L3MBTL4: variants seen among roughly 807,000 people sequenced by gnomAD.
L3MBTL4 encodes lethal(3)malignant brain tumor-like protein 4.
L3MBTL4 carries 70 observed loss-of-function variants against 84.5 expected under a neutral mutation model. That is an observed-to-expected ratio of 0.83 (90% CI 0.68 to 1.01). L3MBTL4 has a LOEUF of 1.01. Ranked by LOEUF, L3MBTL4 falls within the 50% of genes least tolerant of loss-of-function variation. The pLI, the probability that L3MBTL4 is intolerant of heterozygous loss-of-function variation, is 0.00. For synonymous variants in L3MBTL4, 274 were observed against 259.8 expected, an observed-to-expected ratio of 1.05 and a Z score of -0.52; for missense variants, 715 against 754.8, an observed-to-expected ratio of 0.95 and a Z score of 0.62.
chr18:5,974,916 A>C (rs1300481436), intron 16 of L3MBTL4, among the ~76,000 whole-genome samples: 1 of 151,170 alleles, frequency 6.6e-6, no homozygotes, highest in African/African-American at 2.4e-5. Context: ...ATGAGTTATG[A>C]TCGCACCACT....
At chr18:6,160,350 G>A (rs1260837728) in intron 13 of L3MBTL4, among the ~76,000 whole-genome samples, 1 of 152,208 alleles carries the variant, frequency 6.6e-6, no homozygotes, top group Non-Finnish European at 1.5e-5. Flanking sequence ...TTGCAAGTCA[G>A]CAGTGTTACA....
chr18:6,129,275 A>C (rs2059797788), intron 14 of L3MBTL4, among the ~76,000 whole-genome samples: 1 of 152,084 alleles, frequency 6.6e-6, no homozygotes, highest in South Asian at 2.1e-4. Context: ...TTTATCAGCT[A>C]TACGTGTACC....
At chr18:6,360,162 G>A (rs1043159919) in intron 1 of L3MBTL4, among the ~76,000 whole-genome samples, 1 of 152,134 alleles carries the variant, frequency 6.6e-6, no homozygotes, top group African/African-American at 2.4e-5. Flanking sequence ...TTGAGGTCAG[G>A]AGTTCAAGAC....
At chr18:6,408,749 T>A (rs1181842457) in intron 1 of L3MBTL4, among the ~76,000 whole-genome samples, 1 of 151,754 alleles carries the variant, frequency 6.6e-6, no homozygotes, top group Non-Finnish European at 1.5e-5. Flanking sequence ...TTGTGCAATC[T>A]CGGCTCACTG....
At chr18:6,242,032 C>A (rs2047472557) in intron 7 of L3MBTL4, among the ~76,000 whole-genome samples, 1 of 152,210 alleles carries the variant, frequency 6.6e-6, no homozygotes, top group Non-Finnish European at 1.5e-5. Flanking sequence ...TCCTCCCATT[C>A]GCATGCCCTG....
At chr18:6,127,298 T>C (rs2059725213) in intron 14 of L3MBTL4, among the ~76,000 whole-genome samples, 1 of 152,168 alleles carries the variant, frequency 6.6e-6, no homozygotes, top group Non-Finnish European at 1.5e-5. Flanking sequence ...ATTATGAATT[T>C]TTTTAGCTCG....
intron 11 of L3MBTL4, among the ~76,000 whole-genome samples, chr18:6,213,965 T>C (rs958485041): frequency 6.6e-6 from 1 of 152,202 alleles, no homozygotes; most frequent in Non-Finnish European, 1.5e-5. Context: ...ACTATTCTCA[T>C]TGCCCAGTTT....
chr18:6,138,110 C>T (rs1220733972), intron 14 of L3MBTL4, 84 bp downstream of exon 14: 2 of 859,826 alleles, frequency 2.3e-6, no homozygotes, highest in Non-Finnish European at 3.7e-6. Context: ...CTCCATGAGA[C>T]TCATTTATGA....
chr18:6,411,746 T>C (rs1246697228), intron 1 of L3MBTL4, among the ~76,000 whole-genome samples: 1 of 152,172 alleles, frequency 6.6e-6, no homozygotes, highest in Non-Finnish European at 1.5e-5. Context: ...ACCCCCATAG[T>C]CGCTGAGTAT....
chr18:6,038,303 G>A (rs2056235354), intron 16 of L3MBTL4, among the ~76,000 whole-genome samples: 1 of 138,922 alleles, frequency 7.2e-6, no homozygotes, highest in South Asian at 2.3e-4. Flanking sequence ...GCCCAAGCTG[G>A]AGTGCAGTGA....
intron 10 of L3MBTL4, among the ~76,000 whole-genome samples, chr18:6,236,439 C>T (rs1356905864): frequency 4.6e-5 from 7 of 152,146 alleles, no homozygotes; most frequent in African/African-American, 7.2e-5. Context: ...AAATGTGCTG[C>T]GCAGAATTTT....
intron 4 of L3MBTL4, among the ~76,000 whole-genome samples, chr18:6,299,905 C>T (rs2050260619): frequency 6.6e-6 from 1 of 152,104 alleles, no homozygotes; most frequent in Non-Finnish European, 1.5e-5. Context: ...CTCCCAAGCT[C>T]AAGAGATCCA....
chr18:6,275,828 T>C (rs1277006824), intron 4 of L3MBTL4, among the ~76,000 whole-genome samples: 1 of 152,132 alleles, frequency 6.6e-6, no homozygotes, highest in African/African-American at 2.4e-5. Flanking sequence ...CCAACACTTA[T>C]TAAGTACTGT....
rs551095330 is a variant in L3MBTL4 at position 6,414,580 on chromosome 18, G to C, written c.-91+221C>G. On this transcript the variant is annotated intron_variant, in intron 1 of 18. Transcript: ENST00000317931. The surrounding 1 kb of genome is among the most constrained non-coding windows in gnomAD (Gnocchi z 5.4). ...CAAGTGAGGCAGCGCCTCTCGCGGGGAGCCCGGCGCGCGCCCCGGCGGCGA... is the reference window on the plus strand; with the variant it reads ...CAAGTGAGGCAGCGCCTCTCGCGGGCAGCCCGGCGCGCGCCCCGGCGGCGA... 1 of 152,182 alleles carries C rather than the reference G, an allele frequency of 6.6e-6. No individual in the cohort carries two copies. The highest frequency in any genetic ancestry group is 2.1e-4 in the South Asian group (1 of 4,830). 9.4% of individuals were successfully genotyped at this position (152,182 alleles called of 1,614,324 possible). A position where few individuals can be genotyped will look rare whatever the true frequency, so the allele number is the denominator to read the frequency against.
intron 4 of L3MBTL4, among the ~76,000 whole-genome samples, chr18:6,267,620 G>A (rs570109666): frequency 4.6e-5 from 7 of 152,178 alleles, no homozygotes; most frequent in East Asian, 1.9e-4. Context: ...TTCTACAACA[G>A]CTGTGTTCTT....
chr18:6,173,887 A>G (rs902632642), intron 12 of L3MBTL4, among the ~76,000 whole-genome samples: 2 of 152,170 alleles, frequency 1.3e-5, no homozygotes, highest in African/African-American at 2.4e-5. Flanking sequence ...AGCAGAGAGT[A>G]GCTGATACGG....
rs574051092 is a variant in L3MBTL4 at position 6,001,090 on chromosome 18, T to C, written c.1445-31528A>G. 3.8e-4 allele frequency among the ~76,000 whole-genome samples: 58 copies of C among 152,334 alleles called. No individual in the cohort carries two copies. The South Asian group carries it at 4.8e-3, about 13-fold the overall frequency. ...CAGGCAGCTGTGCCAACAATCTGGGTGCAACTTGCATGTGGCTTTCAAGAA... is the reference window on the plus strand; with the variant it reads ...CAGGCAGCTGTGCCAACAATCTGGGCGCAACTTGCATGTGGCTTTCAAGAA... On this transcript the variant is annotated intron_variant, in intron 16 of 18. Coordinates refer to ENST00000317931, the MANE Select transcript of L3MBTL4 (RefSeq NM_001330559.2).
intron 16 of L3MBTL4, among the ~76,000 whole-genome samples, chr18:6,065,711 C>T (rs2057377266): frequency 6.6e-6 from 1 of 151,788 alleles, no homozygotes; most frequent in Admixed American, 6.6e-5. Context: ...AGTTTCATTT[C>T]CACTGAATAA....
intron 1 of L3MBTL4, among the ~76,000 whole-genome samples, chr18:6,357,626 T>C (rs939097255): frequency 6.6e-5 from 10 of 152,144 alleles, no homozygotes; most frequent in African/African-American, 2.4e-4. Context: ...CATAAGCAAC[T>C]GTGAAAATTC....
Sources: allele counts gnomAD v4.1 joint callset (sites outside exome capture counted in the v4.1 genomes callset), GRCh38; gene constraint gnomAD v4.1.1; non-coding constraint Gnocchi (gnomAD v3.1); transcripts MANE v1.5; gene names NCBI Gene and HGNC (gene_info 2026-07-23, HGNC 2026-07-21).